The following UTP20 variants were observed in gnomAD, a reference collection of about 807,000 sequenced individuals.
UTP20 encodes the protein UTP20 small subunit processome component.
In UTP20, 164 loss-of-function variants were observed where a neutral mutation model predicts 329.5. The ratio of observed to expected loss-of-function variants is 0.50; its 90% confidence interval spans 0.44 to 0.57. UTP20 has a LOEUF of 0.57. Ranked by LOEUF, UTP20 falls within the 20% of genes least tolerant of loss-of-function variation. The pLI is 0.00. For missense variants in UTP20, 3,055 were observed against 3,284.2 expected, an observed-to-expected ratio of 0.93 and a Z score of 1.71; for synonymous variants, 1,151 against 1,159.3, an observed-to-expected ratio of 0.99 and a Z score of 0.14.
chr12:101,385,539 C>G, intron 60 of UTP20, 44 bp from the exon 61 acceptor site: 1 of 1,578,134 alleles, frequency 6.3e-7, no homozygotes, highest in Non-Finnish European at 8.6e-7. Context: ...TCAAATGTGT[C>G]CTTTCCTACC....
In UTP20 at chr12:101,280,475, G is replaced by A. The variant is rs531259791; in HGVS notation, c.45+148G>A. On this transcript the variant is annotated intron_variant, in intron 1 of 61. Coordinates refer to ENST00000261637, the MANE Select transcript of UTP20 (RefSeq NM_014503.3). ...CCGGCGAAAGAGGGAGACACTGGATGTAGTAAACATGGGTTGGAGGAGGAA... is the reference window on the plus strand; with the variant it reads ...CCGGCGAAAGAGGGAGACACTGGATATAGTAAACATGGGTTGGAGGAGGAA... 3.0e-5 allele frequency: 30 copies of A among 997,194 alleles called. No homozygotes were observed. The South Asian group carries it at 4.2e-4, about 14-fold the overall frequency. 61.8% of individuals were successfully genotyped at this position (997,194 alleles called of 1,614,324 possible). A position where few individuals can be genotyped will look rare whatever the true frequency, so the allele number is the denominator to read the frequency against.
chr12:101,348,633 TTTAAA>T (rs1215640094), intron 38 of UTP20, among the ~76,000 whole-genome samples: 3 of 151,536 alleles, frequency 2.0e-5, no homozygotes. Flanking sequence ...ATTTTTCTTC[TTTAAA>T]TTATATTTTT....
At chr12:101,364,399 C>T (rs1203329786) in intron 45 of UTP20, among the ~76,000 whole-genome samples, 2 of 152,158 alleles carry the variant, frequency 1.3e-5, no homozygotes, top group South Asian at 2.1e-4. Context: ...GCTACATTAT[C>T]TCTCCTAATC....
intron 22 of UTP20, 67 bp downstream of exon 22, chr12:101,317,730 C>T (rs963779181): frequency 9.7e-6 from 14 of 1,441,812 alleles, no homozygotes; most frequent in African/African-American, 2.9e-5. Flanking sequence ...AGGTCTCTTA[C>T]GGCTTTATAC....
chr12:101,290,367 C>G lies in UTP20; in HGVS notation c.735+93C>G, dbSNP rs1872099939. ...GCAAATGATGTGGAGGGAAGACAGC[C>G]TAGAGTACATAGCACTAGATGAGGA... On this transcript the variant is annotated intron_variant, in intron 7 of 61. Transcript: ENST00000261637. The G allele has an allele frequency of 2.8e-6, 4 of 1,424,846 alleles. No individual in the cohort carries two copies. The East Asian group carries it at 9.4e-5, about 34-fold the overall frequency. 88.3% of individuals were successfully genotyped at this position (1,424,846 alleles called of 1,614,324 possible).
chr12:101,290,844 T>C lies in UTP20; in HGVS notation c.847T>C (p.Tyr283His). ...AAACATGGTCAAATCCACTGTATCC[T>C]ACATCTCCAAGGAACATTTTGGTAC... ...LKNMVKSTVS[Y>H]ISKEHFGTFF... The change falls in exon 8 of 62, where the codon TAC (tyrosine) becomes CAC (histidine). Residue 283 changes from tyrosine to histidine, a missense_variant. By Grantham distance (83) the Tyr-to-His change is moderately conservative. This residue lies in a region of UTP20 where 2,445 missense variants were observed against 2,575.5 expected (regional missense o/e 0.95). Transcript: ENST00000261637. The C allele has an allele frequency of 1.2e-6, 2 of 1,613,844 alleles. No individual in the cohort carries two copies. Among genetic ancestry groups the C allele is most frequent in the Non-Finnish European group, 1.7e-6 (2 of 1,179,878 alleles).
At chr12:101,321,865 C>T (rs1373234040) in intron 25 of UTP20, among the ~76,000 whole-genome samples, 1 of 151,984 alleles carries the variant, frequency 6.6e-6, no homozygotes, top group East Asian at 1.9e-4. Flanking sequence ...CCACCTTGGC[C>T]TCCCAACGTG....
chr12:101,314,590 G>A (rs1448682141), intron 21 of UTP20, among the ~76,000 whole-genome samples: 2 of 151,708 alleles, frequency 1.3e-5, no homozygotes, highest in African/African-American at 2.4e-5. Flanking sequence ...CCCGGGAGGT[G>A]GAGGTTGCAG....
At chr12:101,280,553 G>A (rs1871762920) in intron 1 of UTP20, among the ~76,000 whole-genome samples, 2 of 152,220 alleles carry the variant, frequency 1.3e-5, no homozygotes, top group Admixed American at 6.5e-5. Flanking sequence ...GGCCAGTCCT[G>A]GGAATTTCCT....
rs554741510 is a variant in UTP20, at chr12:101,356,458, T to C, written c.5395-96T>C. ...TCTTCTTTTTATGATCATCCATCCT[T>C]CTAGAAAAACTTGTCTTTCAAATAC... On this transcript the variant is annotated intron_variant, in intron 41 of 61. Transcript: ENST00000261637. 8.9e-6 allele frequency: 10 copies of C among 1,128,876 alleles called. No homozygotes were observed. In the South Asian group the frequency reaches 1.7e-4, roughly 20 times the overall value. The allele number at this position is 1,128,876 out of a possible 1,614,324, so 69.9% of individuals were successfully genotyped here.
intron 25 of UTP20, among the ~76,000 whole-genome samples, chr12:101,325,771 A>G (rs1302222706): frequency 6.6e-6 from 1 of 152,226 alleles, no homozygotes. Flanking sequence ...TGAGCCTGCC[A>G]CTTCAAGGAA....
chr12:101,285,961 C>T, intron 4 of UTP20, 80 bp downstream of exon 4: 3 of 1,537,492 alleles, frequency 2.0e-6, no homozygotes, highest in South Asian at 2.5e-5. Flanking sequence ...GCTACATATA[C>T]CGCAGATCAG....
intron 17 of UTP20, among the ~76,000 whole-genome samples, chr12:101,307,440 G>A (rs1872671186): frequency 6.6e-6 from 1 of 151,978 alleles, no homozygotes; most frequent in South Asian, 2.1e-4. Context: ...GCAGTGGCGT[G>A]ATTTCGGCTC....
chr12:101,381,018 C>G, intron 57 of UTP20, 122 bp from the exon 58 acceptor site: 1 of 767,894 alleles, frequency 1.3e-6, no homozygotes, highest in Non-Finnish European at 2.2e-6. Flanking sequence ...CAAATCTATA[C>G]AGGTGGTCAT....
intron 48 of UTP20, 74 bp from the exon 49 acceptor site, chr12:101,369,647 G>C (rs1192570165): frequency 5.3e-6 from 4 of 754,014 alleles, no homozygotes; most frequent in Non-Finnish European, 9.5e-6. Flanking sequence ...TAAAGAGTCT[G>C]CATAGCCTCA....
intron 21 of UTP20, among the ~76,000 whole-genome samples, chr12:101,315,614 T>C (rs928950969): frequency 2.6e-5 from 4 of 152,158 alleles, no homozygotes; most frequent in Non-Finnish European, 4.4e-5. Context: ...TCAGTAGATA[T>C]AGTGGCAGAA....
Position 101,285,844 on chromosome 12 carries a change from C to A in UTP20, c.289C>A (p.Gln97Lys), listed in dbSNP as rs1251101276. ...EIVQSLKTHL[Q>K]VKNSFAYQPL... is the part of the protein sequence containing the mutation. ...AGTTCAGAGTTTGAAGACTCACCTG[C>A]AAGTTAAGAACAGTTTTGCCTATCA... Residue 97 changes from glutamine (Q) to lysine (K), a missense_variant, in exon 4 of 62, where the codon CAA becomes AAA. Physicochemically the swap from Gln to Lys is moderately conservative, Grantham distance 53 (BLOSUM62 1). Transcript: ENST00000261637. 3.7e-6 allele frequency: 6 copies of A among 1,613,842 alleles called. No homozygotes were observed. The highest frequency in any genetic ancestry group is 5.1e-6 in the Non-Finnish European group (6 of 1,179,888).
intron 21 of UTP20, among the ~76,000 whole-genome samples, chr12:101,312,504 C>T (rs900438784): frequency 1.3e-5 from 2 of 152,098 alleles, no homozygotes; most frequent in Non-Finnish European, 1.5e-5. Flanking sequence ...TGCAGTGGTG[C>T]GATCTCGGCT....
At chr12:101,330,275 G>A (rs1299912903) in intron 27 of UTP20, among the ~76,000 whole-genome samples, 1 of 152,164 alleles carries the variant, frequency 6.6e-6, no homozygotes, top group African/African-American at 2.4e-5. Flanking sequence ...AAAATGACTA[G>A]TGCAAAATCC....
Sources: allele counts gnomAD v4.1 joint callset (sites outside exome capture counted in the v4.1 genomes callset), GRCh38; gene constraint gnomAD v4.1.1; regional missense constraint gnomAD v4.1.1; transcripts MANE v1.5; gene names NCBI Gene and HGNC (gene_info 2026-07-23, HGNC 2026-07-21).